Variants in DIAPH3 observed in about 807,000 individuals in gnomAD.
DIAPH3 encodes diaphanous related formin 3.
A neutral mutation model predicts 144.3 loss-of-function variants in DIAPH3; 117 were observed. The observed-to-expected ratio is 0.81, with a 90% CI of 0.70 to 0.95. DIAPH3 has a LOEUF of 0.95. Ranked by LOEUF, DIAPH3 falls within the 40% of genes least tolerant of loss-of-function variation. DIAPH3 has a pLI of 0.00. For synonymous variants in DIAPH3, 519 were observed against 488.9 expected (o/e 1.06, Z -0.81); for missense variants, 1,421 against 1,412.7 (o/e 1.01, Z -0.09).
intron 2 of DIAPH3, among the ~76,000 whole-genome samples, chr13:60,129,718 G>A (rs955381378): frequency 1.4e-4 from 21 of 152,210 alleles, no homozygotes; most frequent in African/African-American, 5.1e-4. Flanking sequence ...CATGCAATGT[G>A]TATGTTGTAA....
intron 14 of DIAPH3, among the ~76,000 whole-genome samples, chr13:59,974,990 A>G (rs1304423356): frequency 6.6e-6 from 1 of 152,044 alleles, no homozygotes; most frequent in African/African-American, 2.4e-5. Context: ...GAAAGTAATG[A>G]TAAATTAATT....
intron 9 of DIAPH3, among the ~76,000 whole-genome samples, chr13:59,993,130 T>C (rs2051948027): frequency 2.6e-5 from 4 of 152,014 alleles, no homozygotes; most frequent in South Asian, 4.1e-4. Context: ...TCTCATACTT[T>C]GGCAAAAATT....
intron 5 of DIAPH3, among the ~76,000 whole-genome samples, chr13:60,030,449 T>C (rs2141096420): frequency 6.6e-6 from 1 of 152,280 alleles, no homozygotes; most frequent in East Asian, 1.9e-4. Flanking sequence ...ATAAAAACAC[T>C]TGAAATACCT....
chr13:59,880,533 A>G (rs1402561927), intron 20 of DIAPH3, among the ~76,000 whole-genome samples: 2 of 152,162 alleles, frequency 1.3e-5, no homozygotes, highest in Non-Finnish European at 2.9e-5. Context: ...TATAATGAAA[A>G]TCATGATTGT....
chr13:59,936,491 C>A (rs900949738), intron 17 of DIAPH3, among the ~76,000 whole-genome samples: 2 of 151,998 alleles, frequency 1.3e-5, no homozygotes, highest in Non-Finnish European at 2.9e-5. Context: ...ACAGATGAAA[C>A]AACTTTTTAA....
At chr13:59,767,975 C>T (rs1001453229) in intron 27 of DIAPH3, among the ~76,000 whole-genome samples, 1 of 152,132 alleles carries the variant, frequency 6.6e-6, no homozygotes, top group Non-Finnish European at 1.5e-5. Flanking sequence ...AAAAGCCTTT[C>T]CTGTCTACCC....
At chr13:59,682,400 T>C (rs1207515996) in intron 27 of DIAPH3, among the ~76,000 whole-genome samples, 5 of 152,298 alleles carry the variant, frequency 3.3e-5, no homozygotes, top group South Asian at 4.1e-4. Context: ...TAGCTCACTG[T>C]AGCCTCAAAA....
chr13:59,776,769 C>G (rs995873205), intron 25 of DIAPH3, among the ~76,000 whole-genome samples: 1 of 151,962 alleles, frequency 6.6e-6, no homozygotes, highest in African/African-American at 2.4e-5. Context: ...GATTCTCAGA[C>G]TATTGTGTGT....
intron 25 of DIAPH3, among the ~76,000 whole-genome samples, chr13:59,785,796 T>C (rs1269124353): frequency 1.3e-5 from 2 of 152,188 alleles, no homozygotes; most frequent in Non-Finnish European, 2.9e-5. Context: ...TAATAAGGCA[T>C]ATATGTACAT....
intron 4 of DIAPH3, among the ~76,000 whole-genome samples, chr13:60,063,201 C>T (rs1336285368): frequency 6.6e-6 from 1 of 152,178 alleles, no homozygotes; most frequent in Non-Finnish European, 1.5e-5. Context: ...AAGTAGTTTC[C>T]GTTTCAATAA....
At chr13:59,824,341 A>G (rs2041250468) in intron 24 of DIAPH3, among the ~76,000 whole-genome samples, 1 of 152,160 alleles carries the variant, frequency 6.6e-6, no homozygotes, top group Admixed American at 6.6e-5. Flanking sequence ...CAGAAAACTG[A>G]GGCTCAGTAA....
At chr13:60,044,953 G>A (rs958491578) in intron 4 of DIAPH3, among the ~76,000 whole-genome samples, 2 of 152,154 alleles carry the variant, frequency 1.3e-5, no homozygotes, top group Admixed American at 6.5e-5. Flanking sequence ...TGCCATGTAA[G>A]ATGTGACTTT....
intron 13 of DIAPH3, among the ~76,000 whole-genome samples, chr13:59,982,587 T>C (rs1452222585): frequency 6.6e-6 from 1 of 151,482 alleles, no homozygotes; most frequent in African/African-American, 2.4e-5. Context: ...AAATGAGAGG[T>C]GTATTTTAAT....
chr13:59,685,011 A>G (rs752508676), intron 27 of DIAPH3, among the ~76,000 whole-genome samples: 11 of 152,138 alleles, frequency 7.2e-5, no homozygotes, highest in Admixed American at 1.3e-4. Context: ...CTTTGTCATT[A>G]AAATAACCTG....
At chr13:59,888,466 C>A (rs2045586043) in intron 20 of DIAPH3, among the ~76,000 whole-genome samples, 1 of 152,118 alleles carries the variant, frequency 6.6e-6, no homozygotes, top group African/African-American at 2.4e-5. Context: ...TATCCCTTTT[C>A]TGCTTTGTGT....
rs573628252 is a variant in DIAPH3, at chr13:59,723,804, G to C, written c.3319+50385C>G. On this transcript the variant is annotated intron_variant, in intron 27 of 27. Transcript: ENST00000400324. ...TTTTTTTTGTATTTTTAGTAGAGAT[G>C]GGGTTTCACTATGTTGGCCAGGCTG... Among the ~76,000 whole-genome samples, 176 of 151,378 alleles carry C rather than the reference G, an allele frequency of 1.2e-3. 1 individual carries two copies. Among genetic ancestry groups the C allele is most frequent in the African/African-American group, 4.1e-3 (168 of 41,222 alleles).
At chr13:59,718,889 A>G (rs928170214) in intron 27 of DIAPH3, among the ~76,000 whole-genome samples, 23 of 152,224 alleles carry the variant, frequency 1.5e-4, no homozygotes, top group Middle Eastern at 3.4e-3. Context: ...TCAAATTCAT[A>G]TATTTTAGTG....
intron 4 of DIAPH3, among the ~76,000 whole-genome samples, chr13:60,077,123 G>A (rs1389805220): frequency 6.6e-6 from 1 of 151,988 alleles, no homozygotes; most frequent in South Asian, 2.1e-4. Context: ...TACTTGGAAT[G>A]TTACTTGATT....
chr13:59,948,306 A>G (rs2048906388), intron 17 of DIAPH3, among the ~76,000 whole-genome samples: 1 of 152,180 alleles, frequency 6.6e-6, no homozygotes, highest in Non-Finnish European at 1.5e-5. Flanking sequence ...GTAGAATTAG[A>G]CCTATTTCTA....
Sources: gnomAD v4.1 joint callset for allele counts (sites outside exome capture counted in the v4.1 genomes callset) on GRCh38, gnomAD v4.1.1 for gene constraint, MANE v1.5 for transcripts, NCBI Gene and HGNC (gene_info 2026-07-23, HGNC 2026-07-21) for gene names.